KAZN: variants seen among roughly 807,000 people sequenced by gnomAD.
KAZN encodes kazrin.
A neutral mutation model predicts 87.4 loss-of-function variants in KAZN; 40 were observed. The ratio of observed to expected loss-of-function variants is 0.46; its 90% CI spans 0.36 to 0.60. The LOEUF (loss-of-function observed/expected upper bound fraction) is 0.60, where lower values mean the gene tolerates loss of function less well. Ranked by LOEUF, KAZN falls within the 20% of genes least tolerant of loss-of-function variation. The probability of loss-of-function intolerance (pLI) is 0.00; values close to 1 mark genes in which losing one functional copy is unlikely to be tolerated. For synonymous variants in KAZN, 466 were observed against 458.3 expected, an observed-to-expected ratio of 1.02 and a Z score of -0.22; for missense variants, 898 against 1,073.9, an observed-to-expected ratio of 0.84 and a Z score of 2.29.
chr1:14,681,113 G>A lies in KAZN; in HGVS notation c.226+81890G>A, dbSNP rs138076702. The stretch of plus-strand genomic sequence containing the variant: ...GAGCTCCCTCATCATCAAGGGGGCT[G>A]CCCAAGTCATTCCTGAGGGATCCGC... On this transcript the variant is annotated intron_variant, in intron 1 of 14. Coordinates refer to ENST00000376030, the MANE Select transcript of KAZN (RefSeq NM_201628.3). 2.9e-3 allele frequency among the ~76,000 whole-genome samples: 446 copies of A among 152,244 alleles called. 2 individuals are homozygous for A. Among genetic ancestry groups the A allele is most frequent in the African/African-American group, 0.01 (426 of 41,548 alleles).
At position 15,103,621 on chromosome 1, in the gene KAZN, T is replaced by C. The variant is rs151292560; in HGVS notation, c.1881+161T>C. Among the ~76,000 whole-genome samples, 71 of 149,202 alleles carry C rather than the reference T, an allele frequency of 4.8e-4. 1 individual carries two copies. In the East Asian group the frequency reaches 0.011, roughly 23 times the overall value. On this transcript the variant is annotated intron_variant, in intron 12 of 14. Coordinates refer to ENST00000376030, the MANE Select transcript of KAZN (RefSeq NM_201628.3). ...AAATTAATATCCCCTTTGTGTGGGC[T>C]GGAGCATCTTAACTCAGGCCCAGCA...
intron 4 of KAZN, 107 bp from the exon 5 acceptor site, chr1:15,055,984 T>C: frequency 9.2e-7 from 1 of 1,087,028 alleles, no homozygotes; most frequent in South Asian, 1.5e-5. Context: ...CAATACCCGG[T>C]GCAGAGGATC....
At chr1:14,416,629 C>T (rs1043575285) in intron 2 of KAZN, among the ~76,000 whole-genome samples, 2 of 152,038 alleles carry the variant, frequency 1.3e-5, no homozygotes, top group African/African-American at 2.4e-5. Context: ...CCCAGCTACT[C>T]AGGAGCCTAA....
chr1:14,616,373 T>C (rs1678241561), intron 1 of KAZN, among the ~76,000 whole-genome samples: 1 of 151,946 alleles, frequency 6.6e-6, no homozygotes, highest in Admixed American at 6.6e-5. Context: ...CTCAAATAAC[T>C]TAAATTCTGA....
At chr1:14,704,499 A>G (rs959935174) in intron 1 of KAZN, among the ~76,000 whole-genome samples, 1 of 152,204 alleles carries the variant, frequency 6.6e-6, no homozygotes, top group Non-Finnish European at 1.5e-5. Flanking sequence ...GGCACAGAGG[A>G]GTGACTTGAC....
intron 2 of KAZN, among the ~76,000 whole-genome samples, chr1:14,300,395 C>A (rs114025873): frequency 0.021 from 3,212 of 152,156 alleles, 72 homozygotes; most frequent in African/African-American, 0.053. Flanking sequence ...CCATGCCCTG[C>A]TAATTGTTGA....
At chr1:14,426,512 T>A (rs970989512) in intron 2 of KAZN, among the ~76,000 whole-genome samples, 3 of 152,220 alleles carry the variant, frequency 2.0e-5, no homozygotes, top group African/African-American at 7.2e-5. Context: ...TGTTCATGAA[T>A]GAAAGAATGC....
At chr1:14,620,888 C>A (rs1055307744) in intron 1 of KAZN, among the ~76,000 whole-genome samples, 3 of 152,190 alleles carry the variant, frequency 2.0e-5, no homozygotes, top group African/African-American at 7.2e-5. Flanking sequence ...TCTTGTACAA[C>A]CTAATTTCCA....
chr1:14,514,022 A>G (rs960598224), intron 2 of KAZN, among the ~76,000 whole-genome samples: 3 of 151,402 alleles, frequency 2.0e-5, no homozygotes, highest in African/African-American at 7.3e-5. Context: ...AGCTGAGCCG[A>G]AAAAAAATAT....
chr1:14,426,948 G>C (rs1052511420), intron 2 of KAZN, among the ~76,000 whole-genome samples: 25 of 152,142 alleles, frequency 1.6e-4, no homozygotes, highest in African/African-American at 5.8e-4. Flanking sequence ...TTGTGAACAA[G>C]GTACCTACTG....
intron 1 of KAZN, among the ~76,000 whole-genome samples, chr1:14,904,451 C>G (rs575408127): frequency 6.6e-6 from 1 of 152,314 alleles, no homozygotes; most frequent in East Asian, 1.9e-4. Context: ...GCAGGTACAG[C>G]TTTGCTACCC....
chr1:14,929,789 G>A, intron 1 of KAZN: 1 of 985,472 alleles, frequency 1.0e-6, no homozygotes, highest in Non-Finnish European at 1.2e-6. Context: ...TGCCAGATGA[G>A]TGCCTTTCAA....
chr1:14,458,305 A>G (rs1399799717), intron 2 of KAZN, among the ~76,000 whole-genome samples: 1 of 152,166 alleles, frequency 6.6e-6, no homozygotes, highest in Admixed American at 6.5e-5. Context: ...AGAGCTTACC[A>G]TATTTCTAAC....
intron 1 of KAZN, among the ~76,000 whole-genome samples, chr1:14,764,505 C>CA (rs571496956): frequency 1.3e-5 from 2 of 151,834 alleles, no homozygotes; most frequent in Non-Finnish European, 2.9e-5. Flanking sequence ...CTCTGCCCCC[C>CA]CATAGAACGT....
chr1:14,003,122 A>G (rs951142443), intron 1 of KAZN, among the ~76,000 whole-genome samples: 172 of 152,146 alleles, frequency 1.1e-3, no homozygotes, highest in Non-Finnish European at 1.8e-3. Flanking sequence ...CAAACACCGC[A>G]TGTTCTTACT....
chr1:14,408,207 A>G (rs1165280502), intron 2 of KAZN, among the ~76,000 whole-genome samples: 2 of 152,230 alleles, frequency 1.3e-5, no homozygotes, highest in African/African-American at 4.8e-5. Flanking sequence ...TCTGAATATT[A>G]GAGTTTATGC....
At chr1:14,300,277 T>TA (rs397701891) in intron 2 of KAZN, among the ~76,000 whole-genome samples, 15 of 151,734 alleles carry the variant, frequency 9.9e-5, no homozygotes, top group African/African-American at 3.1e-4. Flanking sequence ...TATTTTTTTT[T>TA]AAGACAGAGT....
At chr1:14,314,273 A>G (rs980662860) in intron 2 of KAZN, among the ~76,000 whole-genome samples, 1 of 152,214 alleles carries the variant, frequency 6.6e-6, no homozygotes, top group Non-Finnish European at 1.5e-5. Flanking sequence ...TACTGTGGTC[A>G]TCTTGCAGTT....
chr1:14,173,002 T>G (rs555937955), intron 1 of KAZN, among the ~76,000 whole-genome samples: 1 of 152,244 alleles, frequency 6.6e-6, no homozygotes, highest in South Asian at 2.1e-4. Context: ...GGGCAGAAGC[T>G]GCAAGACCTC....
Sources: gnomAD v4.1 joint callset for allele counts (sites outside exome capture counted in the v4.1 genomes callset) on GRCh38, gnomAD v4.1.1 for gene constraint, MANE v1.5 for transcripts, NCBI Gene and HGNC (gene_info 2026-07-23, HGNC 2026-07-21) for gene names.